TMEM232: variants seen among roughly 807,000 people sequenced by gnomAD.
The protein encoded by TMEM232 is transmembrane protein 232.
In TMEM232, 80 loss-of-function variants were observed where a neutral mutation model predicts 78.8. The observed-to-expected ratio is 1.01, with a 90% CI of 0.85 to 1.22. The LOEUF (loss-of-function observed/expected upper bound fraction) is 1.22, where lower values mean the gene tolerates loss of function less well. Ranked by LOEUF, TMEM232 falls within the 50% of genes most tolerant of loss-of-function variation. The pLI, the probability that TMEM232 is intolerant of heterozygous loss-of-function variation, is 0.00. For missense variants in TMEM232, 881 were observed against 742.2 expected, an observed-to-expected ratio of 1.19 and a Z score of -2.17; for synonymous variants, 297 against 254.3, an observed-to-expected ratio of 1.17 and a Z score of -1.60.
At chr5:110,734,187 G>C (rs113247754) in intron 2 of TMEM232, among the ~76,000 whole-genome samples, 1 of 152,186 alleles carries the variant, frequency 6.6e-6, no homozygotes, top group South Asian at 2.1e-4. Flanking sequence ...ACTCCTCTGC[G>C]TGCAGGTTGG....
rs759438052 is a variant in TMEM232, at chr5:110,392,167, G to T, written n.391-1527C>A. On this transcript the variant is annotated intron_variant and non_coding_transcript_variant, in intron 3 of 8. Transcript: ENST00000507188. ...TTTCCAGGTGGCATGATCAACTTGG[G>T]GTTGCTAACAATTTTGTCAATTTGG... 2.0e-5 allele frequency among the ~76,000 whole-genome samples: 3 copies of T among 152,144 alleles called. No individual in the cohort carries two copies. In the South Asian group the frequency reaches 6.2e-4, roughly 32 times the overall value.
In TMEM232 at chr5:110,663,743, GTA is replaced by G. The variant is rs145438006; in HGVS notation, c.125+3483_125+3484del. ...TGGGGAAGGAAATGTGTGTGTGTGT[GTA>G]TGTGTGTGTGTGTGTGTGTGTGTGT... is the stretch of plus-strand genomic sequence containing the variant. On this transcript the variant is annotated intron_variant, in intron 2 of 13. Coordinates refer to ENST00000455884, the MANE Select transcript of TMEM232 (RefSeq NM_001039763.4). 9.8e-3 allele frequency among the ~76,000 whole-genome samples: 1,357 copies of G among 138,900 alleles called. 19 individuals are homozygous for G. Among genetic ancestry groups the G allele is most frequent in the African/African-American group, 0.035 (1,270 of 36,260 alleles). The allele number at this position is 138,900 out of a possible 152,430, so 91.1% of individuals were successfully genotyped here.
At chr5:110,688,366 A>C (rs567091793) in intron 1 of TMEM232, among the ~76,000 whole-genome samples, 13 of 152,330 alleles carry the variant, frequency 8.5e-5, no homozygotes, top group Non-Finnish European at 1.3e-4. Context: ...AAGAGATGAC[A>C]GTAAGTGTCA....
At chr5:110,678,188 C>G (rs1792278365) in intron 1 of TMEM232, among the ~76,000 whole-genome samples, 1 of 152,082 alleles carries the variant, frequency 6.6e-6, no homozygotes, top group African/African-American at 2.4e-5. Flanking sequence ...CCTGAGCTAC[C>G]TGAGTAGCTG....
chr5:110,596,447 T>A, intron 10 of TMEM232, among the ~76,000 whole-genome samples: 1 of 152,184 alleles, frequency 6.6e-6, no homozygotes, highest in Non-Finnish European at 1.5e-5. Context: ...AAAGAGGAAC[T>A]GGTACCATTC....
intron 12 of TMEM232, among the ~76,000 whole-genome samples, chr5:110,441,276 A>G (rs1054962625): frequency 7.2e-5 from 11 of 152,150 alleles, no homozygotes; most frequent in Admixed American, 6.6e-4. Flanking sequence ...GAAGATTTCT[A>G]TTGACAAGGT....
intron 11 of TMEM232, among the ~76,000 whole-genome samples, chr5:110,562,116 C>T (rs138872536): frequency 9.9e-4 from 151 of 152,164 alleles, no homozygotes; most frequent in African/African-American, 3.5e-3. Flanking sequence ...TATAGGAAGT[C>T]GTACACTTAA....
intron 2 of TMEM232, among the ~76,000 whole-genome samples, chr5:110,733,747 C>A (rs1165453982): frequency 6.6e-6 from 1 of 152,066 alleles, no homozygotes; most frequent in Non-Finnish European, 1.5e-5. Context: ...GGCTTAGTAC[C>A]TGGGTGATGA....
intron 1 of TMEM232, among the ~76,000 whole-genome samples, chr5:110,698,651 G>T (rs149688453): frequency 6.6e-6 from 1 of 152,048 alleles, no homozygotes; most frequent in East Asian, 1.9e-4. Flanking sequence ...GAATCCAGTC[G>T]TCCCTCTCTT....
intron 12 of TMEM232, among the ~76,000 whole-genome samples, chr5:110,497,661 A>G (rs1441991142): frequency 6.6e-6 from 1 of 152,140 alleles, no homozygotes; most frequent in African/African-American, 2.4e-5. Context: ...GACCCTTGAT[A>G]TACTCCATGC....
chr5:110,444,675 G>A (rs539047370), intron 12 of TMEM232, among the ~76,000 whole-genome samples: 1 of 152,118 alleles, frequency 6.6e-6, no homozygotes, highest in Non-Finnish European at 1.5e-5. Context: ...GTGGTCATTT[G>A]TTACATAGCA....
rs1314673485 is a variant in TMEM232, at chr5:110,626,484, C to T, written c.602-1051G>A. Reference sequence around the variant, plus strand: ...ACACTTCTGCTATTACCTTCTGTTCCCACCTCCATGACTTTTTTCATCAAA... The same window carrying T: ...ACACTTCTGCTATTACCTTCTGTTCTCACCTCCATGACTTTTTTCATCAAA... On this transcript the variant is annotated intron_variant, in intron 6 of 13. Transcript: ENST00000455884. Among the ~76,000 whole-genome samples, 4 of 152,022 alleles carry T rather than the reference C, an allele frequency of 2.6e-5. No individual in the cohort carries two copies. The East Asian group carries it at 7.7e-4, about 29-fold the overall frequency.
At chr5:110,484,408 C>A (rs1383597655) in intron 12 of TMEM232, among the ~76,000 whole-genome samples, 1 of 151,520 alleles carries the variant, frequency 6.6e-6, no homozygotes, top group Non-Finnish European at 1.5e-5. Flanking sequence ...GGCAGCAATA[C>A]AAAGAGGAAC....
intron 1 of TMEM232, among the ~76,000 whole-genome samples, chr5:110,718,706 CTCT>C (rs1228206101): frequency 6.6e-6 from 1 of 151,898 alleles, no homozygotes; most frequent in Non-Finnish European, 1.5e-5. Context: ...TCTTTCTCTT[CTCT>C]TCTAACACTC....
intron 2 of TMEM232, among the ~76,000 whole-genome samples, chr5:110,410,534 A>G (rs1388502693): frequency 6.6e-6 from 1 of 152,218 alleles, no homozygotes; most frequent in Non-Finnish European, 1.5e-5. Context: ...ATGGCAGAAC[A>G]TACAAGCTAT....
intron 12 of TMEM232, among the ~76,000 whole-genome samples, chr5:110,512,083 C>T (rs902511943): frequency 6.6e-6 from 1 of 152,120 alleles, no homozygotes; most frequent in African/African-American, 2.4e-5. Flanking sequence ...AGTTCTCCTC[C>T]ATCATACTCA....
chr5:110,734,321 G>C (rs568217028), intron 2 of TMEM232, among the ~76,000 whole-genome samples: 1 of 152,274 alleles, frequency 6.6e-6, no homozygotes, highest in East Asian at 1.9e-4. Flanking sequence ...TATTCAGGAG[G>C]TGCTTCTCAT....
intron 12 of TMEM232, among the ~76,000 whole-genome samples, chr5:110,438,463 T>C (rs1758673874): frequency 6.6e-6 from 1 of 151,944 alleles, no homozygotes; most frequent in African/African-American, 2.4e-5. Context: ...TGTGATGCTT[T>C]TTTTCATTAA....
At chr5:110,678,246 G>A (rs1792287211) in intron 1 of TMEM232, among the ~76,000 whole-genome samples, 1 of 151,978 alleles carries the variant, frequency 6.6e-6, no homozygotes, top group Non-Finnish European at 1.5e-5. Context: ...TGTATTTTTA[G>A]TAGAGACGGG....
Sources: allele counts gnomAD v4.1 joint callset (sites outside exome capture counted in the v4.1 genomes callset), GRCh38; gene constraint gnomAD v4.1.1; transcripts MANE v1.5; gene names NCBI Gene and HGNC (gene_info 2026-07-23, HGNC 2026-07-21).